Variants in UBA3 observed in about 807,000 individuals in gnomAD.
The protein encoded by UBA3 is ubiquitin like modifier activating enzyme 3.
Under a neutral mutation model 73.5 loss-of-function variants are expected in UBA3, and 26 were observed. The ratio of observed to expected loss-of-function variants is 0.35; its 90% CI spans 0.26 to 0.49. UBA3 has a LOEUF of 0.49. UBA3 is among the 20% of genes least tolerant of loss of function. UBA3 has a pLI of 0.98. For synonymous variants in UBA3, 217 were observed against 191.2 expected, an observed-to-expected ratio of 1.13 and a Z score of -1.11; for missense variants, 495 against 555.6, an observed-to-expected ratio of 0.89 and a Z score of 1.10.
intron 11 of UBA3, among the ~76,000 whole-genome samples, chr3:69,060,617 T>C (rs2092013753): frequency 6.6e-6 from 1 of 152,172 alleles, no homozygotes; most frequent in Admixed American, 6.5e-5. Context: ...AAAAACAACA[T>C]GAGAACCTGA....
At chr3:69,057,989 G>A (rs777316164) in intron 11 of UBA3, among the ~76,000 whole-genome samples, 9 of 140,130 alleles carry the variant, frequency 6.4e-5, no homozygotes, top group East Asian at 2.1e-4. Flanking sequence ...GCAGTGTCGT[G>A]ATCTGATCTC....
chr3:69,055,393 A>G lies in UBA3; in HGVS notation c.*44T>C. On this transcript the variant is annotated 3_prime_UTR_variant, in exon 18 of 18. Coordinates refer to ENST00000361055, the MANE Select transcript of UBA3 (RefSeq NM_003968.4). ...TCGATTCAACTTCTTAGCATCCACA[A>G]AGTATATTATTTCCATGAGTTTTCT... 7.9e-7 allele frequency: 1 copy of G among 1,272,918 alleles called. No individual in the cohort carries two copies. Among genetic ancestry groups the G allele is most frequent in the Non-Finnish European group, 1.1e-6 (1 of 944,550 alleles). The allele number at this position is 1,272,918 out of a possible 1,614,324, so 78.9% of individuals were successfully genotyped here. A position where few individuals can be genotyped will look rare whatever the true frequency, so the allele number is the denominator to read the frequency against.
chr3:69,075,021 T>C (rs915327949), intron 4 of UBA3: 2 of 152,960 alleles, frequency 1.3e-5, no homozygotes, highest in African/African-American at 4.8e-5. Flanking sequence ...CTATATAAAA[T>C]GGGGTAATGC....
intron 4 of UBA3, among the ~76,000 whole-genome samples, chr3:69,073,721 T>C (rs989811927): frequency 6.6e-6 from 1 of 150,550 alleles, no homozygotes; most frequent in Non-Finnish European, 1.5e-5. Context: ...CTGCAAGCTC[T>C]GCCTCCCGGG....
At chr3:69,071,127 C>A (rs77269950) in intron 5 of UBA3, 3,075 of 161,728 alleles carry the variant, frequency 0.019, 106 homozygotes, top group African/African-American at 0.071. Context: ...CTTTATTGCT[C>A]CAGTCACCAT....
Position 69,055,542 on chromosome 3 carries a change from ATTAT to A in UBA3, c.1304-21_1304-18del, listed in dbSNP as rs770480752. 14 of 1,570,220 alleles carry A rather than the reference ATTAT, an allele frequency of 8.9e-6. No homozygotes were observed. The highest frequency in any genetic ancestry group is 2.4e-5 in the South Asian group (2 of 82,928). Reference sequence around the variant, plus strand: ...GCCCCAATTCTAAAACAGAAAAAATATTATTAATACAAGCAAAAAAAACTCAACA... The same window carrying A: ...GCCCCAATTCTAAAACAGAAAAAATATAATACAAGCAAAAAAAACTCAACA... On this transcript the variant is annotated intron_variant, in intron 17 of 17. Transcript: ENST00000361055.
intron 6 of UBA3, among the ~76,000 whole-genome samples, chr3:69,067,099 C>T (rs2092077796): frequency 1.3e-5 from 2 of 152,176 alleles, no homozygotes; most frequent in African/African-American, 4.8e-5. Flanking sequence ...TCGTCTATAT[C>T]GACAATTTTG....
At chr3:69,075,941 G>C (rs1227775094) in intron 3 of UBA3, among the ~76,000 whole-genome samples, 1 of 152,070 alleles carries the variant, frequency 6.6e-6, no homozygotes, top group African/African-American at 2.4e-5. Flanking sequence ...ATGTGGGCCA[G>C]ACTGGCCTTG....
At position 69,065,867 on chromosome 3, in the gene UBA3, G is replaced by C. The variant is rs190037070; in HGVS notation, c.429-1756C>G. Among the ~76,000 whole-genome samples the C allele has an allele frequency of 1.1e-4, 16 of 151,702 alleles. 1 individual carries two copies. The East Asian group carries it at 3.1e-3, about 29-fold the overall frequency. ...AACAGTATCGCTCATGGTGGTCTTA[G>C]TTTGATGTGAAACATCTTTTCATGT... On this transcript the variant is annotated intron_variant, in intron 6 of 17. Coordinates refer to ENST00000361055, the MANE Select transcript of UBA3 (RefSeq NM_003968.4).
intron 6 of UBA3, 71 bp from the exon 7 acceptor site, chr3:69,064,182 AAC>A: frequency 8.4e-7 from 1 of 1,187,372 alleles, no homozygotes. Context: ...TGCCATAAGG[AAC>A]ACACTCTGCA....
rs376811612 is a variant in UBA3 at position 69,061,854 on chromosome 3, T to C, written c.870A>G (p.Ser290=). Residue 290 remains serine, a synonymous_variant, in exon 11 of 18, where the codon TCA becomes TCG. Transcript: ENST00000361055. ...WIFQKSLERA[S]QYNIRGVTYR... ...ACGTAACACCCCTAATATTATATTGTGATGCTCTCTCTAGGGATTTTTGGA... is the reference window on the plus strand; with the variant it reads ...ACGTAACACCCCTAATATTATATTGCGATGCTCTCTCTAGGGATTTTTGGA... 1.4e-5 allele frequency: 23 copies of C among 1,611,240 alleles called. No homozygotes were observed. Among genetic ancestry groups the C allele is most frequent in the African/African-American group, 4.0e-5 (3 of 74,682 alleles).
chr3:69,061,997 T>G, intron 10 of UBA3, 70 bp from the exon 11 acceptor site: 1 of 1,432,092 alleles, frequency 7.0e-7, no homozygotes. Flanking sequence ...AACAATGTTT[T>G]TAATGAAATT....
chr3:69,078,840 T>C (rs1246975997), intron 2 of UBA3, among the ~76,000 whole-genome samples: 1 of 152,140 alleles, frequency 6.6e-6, no homozygotes, highest in Non-Finnish European at 1.5e-5. Context: ...AAACACAAAG[T>C]TTCAGATTAC....
chr3:69,065,455 T>C (rs1286738179), intron 6 of UBA3, among the ~76,000 whole-genome samples: 1 of 152,178 alleles, frequency 6.6e-6, no homozygotes, highest in Non-Finnish European at 1.5e-5. Context: ...TAAACACACA[T>C]AGATTTGTGT....
At chr3:69,056,941 A>T in intron 12 of UBA3, 126 bp from the exon 13 acceptor site, 2 of 1,059,158 alleles carry the variant, frequency 1.9e-6, no homozygotes, top group Non-Finnish European at 2.8e-6. Context: ...TCCAATTTTT[A>T]AAAACTGAGA....
At chr3:69,073,659 G>A (rs1265763211) in intron 4 of UBA3, among the ~76,000 whole-genome samples, 8 of 147,076 alleles carry the variant, frequency 5.4e-5, no homozygotes, top group Non-Finnish European at 8.9e-5. Context: ...TTTTTGAGAC[G>A]GAGTCTCGCT....
In UBA3 at chr3:69,075,491, T is replaced by C. The variant is rs186063144; in HGVS notation, c.203A>G (p.Asp68Gly). 16 of 1,560,088 alleles carry C rather than the reference T, an allele frequency of 1.0e-5. No homozygotes were observed. The highest frequency in any genetic ancestry group is 7.9e-5 in the Admixed American group (4 of 50,766). ...PSTESLQFLL[D>G]TCKVLVIGAG... ...TCCAATGACTAGAACTTTACATGTA[T>C]CTAACAAGAACTGGAGAGACTGTAA... Residue 68 changes from aspartate to glycine, a missense_variant, in exon 4 of 18, where the codon GAT becomes GGT. Transcript: ENST00000361055.
chr3:69,078,046 A>G (rs2092183319), intron 2 of UBA3, 128 bp from the exon 3 acceptor site: 12 of 1,225,556 alleles, frequency 9.8e-6, no homozygotes, highest in Non-Finnish European at 1.3e-5. Context: ...GAAAATATTC[A>G]ATGTGATTAT....
Position 69,070,322 on chromosome 3 carries a change from T to TTAAC in UBA3, c.347+1209_347+1212dup, listed in dbSNP as rs1264065782. Among the ~76,000 whole-genome samples, 4 of 152,316 alleles carry TTAAC rather than the reference T, an allele frequency of 2.6e-5. No homozygotes were observed. In the East Asian group the frequency reaches 7.7e-4, roughly 29 times the overall value. ...GTCACACTGCAATTACAACACTTCA[T>TTAAC]TAACTTATTTTAATCCATACTTCAG... On this transcript the variant is annotated intron_variant, in intron 5 of 17. Coordinates refer to ENST00000361055, the MANE Select transcript of UBA3 (RefSeq NM_003968.4).
Sources: allele counts gnomAD v4.1 joint callset (sites outside exome capture counted in the v4.1 genomes callset), GRCh38; gene constraint gnomAD v4.1.1; transcripts MANE v1.5; gene names NCBI Gene and HGNC (gene_info 2026-07-23, HGNC 2026-07-21).